Variants in SRPK2 observed in about 807,000 individuals in gnomAD.
SRPK2 encodes SRSF protein kinase 2.
Under a neutral mutation model 90.8 loss-of-function variants are expected in SRPK2, and 21 were observed. The ratio of observed to expected loss-of-function variants is 0.23; its 90% CI spans 0.16 to 0.33. The LOEUF is 0.33. SRPK2 is among the 10% of genes least tolerant of loss of function. The pLI, the probability that SRPK2 is intolerant of heterozygous loss-of-function variation, is 1.00. For missense variants in SRPK2, 620 were observed against 869.0 expected, an observed-to-expected ratio of 0.71 and a Z score of 3.60; for synonymous variants, 288 against 311.1, an observed-to-expected ratio of 0.93 and a Z score of 0.78.
intron 15 of SRPK2, 151 bp from the exon 16 acceptor site, chr7:105,118,173 C>G: frequency 1.4e-6 from 1 of 717,538 alleles, no homozygotes; most frequent in East Asian, 2.7e-5. Context: ...CCCCACTAAG[C>G]AATAATCATT....
intron 2 of SRPK2, among the ~76,000 whole-genome samples, chr7:105,348,698 C>T (rs1036648830): frequency 6.6e-6 from 1 of 151,506 alleles, no homozygotes. Flanking sequence ...GCTGGAATTA[C>T]AGGCGTGAGC....
At chr7:105,213,916 C>G (rs1018239717) in intron 2 of SRPK2, among the ~76,000 whole-genome samples, 9 of 152,192 alleles carry the variant, frequency 5.9e-5, no homozygotes, top group African/African-American at 2.2e-4. Flanking sequence ...GCATACACAA[C>G]TACTAATATA....
intron 2 of SRPK2, among the ~76,000 whole-genome samples, chr7:105,286,897 T>C (rs1260860130): frequency 1.3e-5 from 2 of 152,208 alleles, no homozygotes; most frequent in South Asian, 2.1e-4. Context: ...CATTGCTGTA[T>C]GCAACAGCAA....
At chr7:105,250,332 C>T (rs1802304877) in intron 2 of SRPK2, among the ~76,000 whole-genome samples, 1 of 149,876 alleles carries the variant, frequency 6.7e-6, no homozygotes, top group African/African-American at 2.5e-5. Context: ...GGGAGCAAAA[C>T]TCTGTCTAAA....
chr7:105,378,386 C>G (rs1820555622), intron 2 of SRPK2, among the ~76,000 whole-genome samples: 1 of 151,966 alleles, frequency 6.6e-6, no homozygotes, highest in Admixed American at 6.6e-5. Flanking sequence ...AAACTTACGA[C>G]ACAATATTTT....
At chr7:105,321,405 T>C (rs1457303770) in intron 2 of SRPK2, among the ~76,000 whole-genome samples, 1 of 152,182 alleles carries the variant, frequency 6.6e-6, no homozygotes, top group South Asian at 2.1e-4. Context: ...CTTCATGACC[T>C]TGGGTATGAC....
intron 13 of SRPK2, among the ~76,000 whole-genome samples, chr7:105,129,344 C>T (rs901863377): frequency 3.3e-5 from 5 of 152,128 alleles, no homozygotes; most frequent in African/African-American, 1.2e-4. Flanking sequence ...ACATGTACAA[C>T]AGGGCAAATG....
chr7:105,278,949 T>C (rs1806897144), intron 2 of SRPK2, among the ~76,000 whole-genome samples: 1 of 152,234 alleles, frequency 6.6e-6, no homozygotes, highest in South Asian at 2.1e-4. Flanking sequence ...GTATAATCTT[T>C]GTTCATTCTA....
At chr7:105,258,201 G>A (rs111392576) in intron 2 of SRPK2, among the ~76,000 whole-genome samples, 65,599 of 151,356 alleles carry the variant, frequency 0.43, 15,559 homozygotes, top group South Asian at 0.53. Context: ...GGCGGATCAC[G>A]AGGTCCAGAG....
At chr7:105,388,185 C>G (rs1006237347) in intron 2 of SRPK2, among the ~76,000 whole-genome samples, 1 of 152,196 alleles carries the variant, frequency 6.6e-6, no homozygotes, top group East Asian at 1.9e-4. Context: ...ACACGCCCTC[C>G]CGCACACTCG....
At chr7:105,169,630 G>A (rs1209055041) in intron 3 of SRPK2, among the ~76,000 whole-genome samples, 1 of 152,172 alleles carries the variant, frequency 6.6e-6, no homozygotes, top group African/African-American at 2.4e-5. Context: ...AGGAGGCTGA[G>A]GGGAGAGAAT....
intron 7 of SRPK2, chr7:105,160,275 A>G (rs974357243): frequency 9.2e-6 from 3 of 324,518 alleles, no homozygotes; most frequent in Non-Finnish European, 1.1e-5. Flanking sequence ...GACAGGCAAA[A>G]AACGTATGCC....
chr7:105,220,714 T>C (rs142322484), intron 2 of SRPK2, among the ~76,000 whole-genome samples: 1 of 152,334 alleles, frequency 6.6e-6, no homozygotes, highest in East Asian at 1.9e-4. Flanking sequence ...TCCAGTTGAA[T>C]GTCACTATAT....
intron 2 of SRPK2, among the ~76,000 whole-genome samples, chr7:105,296,711 C>T (rs1051327769): frequency 2.6e-5 from 4 of 152,146 alleles, no homozygotes; most frequent in African/African-American, 7.2e-5. Context: ...GCCTATGAGG[C>T]TATTAACTGA....
intron 2 of SRPK2, among the ~76,000 whole-genome samples, chr7:105,289,916 T>C (rs578232200): frequency 3.9e-5 from 6 of 152,068 alleles, no homozygotes; most frequent in African/African-American, 1.4e-4. Context: ...CATTGTAGGA[T>C]TATGAATTAG....
At chr7:105,171,326 C>A (rs2129589732) in intron 3 of SRPK2, among the ~76,000 whole-genome samples, 1 of 152,280 alleles carries the variant, frequency 6.6e-6, no homozygotes, top group East Asian at 1.9e-4. Context: ...ACTCTTAAGT[C>A]TCTTTATCTA....
At chr7:105,373,290 G>GT (rs1563302637) in intron 2 of SRPK2, among the ~76,000 whole-genome samples, 1 of 150,856 alleles carries the variant, frequency 6.6e-6, no homozygotes, top group Admixed American at 6.6e-5. Flanking sequence ...ATAAACAAAC[G>GT]TAATAAATTT....
At chr7:105,147,828 A>G (rs2129577855) in intron 7 of SRPK2, among the ~76,000 whole-genome samples, 1 of 152,268 alleles carries the variant, frequency 6.6e-6, no homozygotes, top group Non-Finnish European at 1.5e-5. Flanking sequence ...CTTGTGCAGC[A>G]TGTATTAGTA....
intron 3 of SRPK2, among the ~76,000 whole-genome samples, chr7:105,191,255 G>T (rs528568265): frequency 5.3e-4 from 81 of 152,270 alleles, no homozygotes; most frequent in African/African-American, 1.9e-3. Context: ...GACACATAGG[G>T]AGACCCCGTC....
Sources: gnomAD v4.1 joint callset for allele counts (sites outside exome capture counted in the v4.1 genomes callset) on GRCh38, gnomAD v4.1.1 for gene constraint, MANE v1.5 for transcripts, NCBI Gene and HGNC (gene_info 2026-07-23, HGNC 2026-07-21) for gene names.